ENPP3: variants seen among roughly 807,000 people sequenced by gnomAD.
ENPP3 encodes the protein ectonucleotide pyrophosphatase/phosphodiesterase 3.
A neutral mutation model predicts 117.8 loss-of-function variants in ENPP3; 104 were observed. That is an observed-to-expected ratio of 0.88 (90% CI 0.75 to 1.04). The LOEUF (loss-of-function observed/expected upper bound fraction) is 1.04, where lower values mean the gene tolerates loss of function less well. ENPP3 is among the 50% of genes least tolerant of loss of function. The pLI is 0.00. For missense variants in ENPP3, 1,026 were observed against 1,051.9 expected (o/e 0.98, Z 0.34); for synonymous variants, 380 against 349.9 (o/e 1.09, Z -0.96).
intron 10 of ENPP3, 147 bp from the exon 11 acceptor site, chr6:131,677,721 A>G: frequency 1.8e-6 from 1 of 568,590 alleles, no homozygotes; most frequent in Non-Finnish European, 3.2e-6. Flanking sequence ...GGAGCCAAGT[A>G]GAACTACTGG....
chr6:131,738,472 A>G (rs1266500756), intron 23 of ENPP3, among the ~76,000 whole-genome samples: 5 of 150,846 alleles, frequency 3.3e-5, no homozygotes, highest in Admixed American at 6.6e-5. Context: ...TTGATGTACT[A>G]TCAATGAGTA....
At chr6:131,673,576 CT>C (rs1212056520) in intron 7 of ENPP3, among the ~76,000 whole-genome samples, 2 of 151,948 alleles carry the variant, frequency 1.3e-5, no homozygotes, top group African/African-American at 4.8e-5. Flanking sequence ...TGAGTGCTGG[CT>C]TAATACCTGG....
chr6:131,722,176 T>G, intron 17 of ENPP3, 51 bp from the exon 18 acceptor site: 1 of 1,314,150 alleles, frequency 7.6e-7, no homozygotes, highest in Non-Finnish European at 1.1e-6. Flanking sequence ...CACAGAGGAG[T>G]TGTTGCTTTC....
At chr6:131,640,622 T>C (rs1778021567) in intron 1 of ENPP3, among the ~76,000 whole-genome samples, 1 of 152,230 alleles carries the variant, frequency 6.6e-6, no homozygotes, top group Non-Finnish European at 1.5e-5. Context: ...AAGTTATTTT[T>C]TGTGTCTGAA....
Position 131,722,406 on chromosome 6 carries a change from G to GT in ENPP3, c.1746+2dup, listed in dbSNP as rs1392727309. 1 of 1,612,024 alleles carries GT rather than the reference G, an allele frequency of 6.2e-7. No individual in the cohort carries two copies. The highest frequency in any genetic ancestry group is 1.3e-5 in the African/African-American group (1 of 74,758). The stretch of plus-strand genomic sequence containing the variant: ...CTGTTTCTGCCCTCACCTACAAAAT[G>GT]TAAGTAACAACTTCATGCATCCATA... On this transcript the variant is annotated splice_donor_variant, in intron 18 of 24. Coordinates refer to ENST00000357639, the MANE Select transcript of ENPP3 (RefSeq NM_005021.5). LOFTEE classifies it high-confidence loss of function.
Position 131,678,946 on chromosome 6 carries a change from T to C in ENPP3, c.1011+1006T>C, listed in dbSNP as rs1179132763. Among the ~76,000 whole-genome samples the C allele has an allele frequency of 4.4e-3, 430 of 98,030 alleles. 13 individuals are homozygous for C. Among genetic ancestry groups the C allele is most frequent in the African/African-American group, 0.024 (346 of 14,184 alleles). 64.3% of individuals were successfully genotyped at this position (98,030 alleles called of 152,430 possible). A position where few individuals can be genotyped will look rare whatever the true frequency, so the allele number is the denominator to read the frequency against. ...CTTTCTTTCTTTCTTTCTTTCTTTC[T>C]TTCTTTCTTTCTTTCCTTCCTTCCT... On this transcript the variant is annotated intron_variant, in intron 11 of 24. Coordinates refer to ENST00000357639, the MANE Select transcript of ENPP3 (RefSeq NM_005021.5).
rs936625186 is a variant in ENPP3, at chr6:131,712,054, A to T, written c.1413-6618A>T. Among the ~76,000 whole-genome samples, 13 of 130,814 alleles carry T rather than the reference A, an allele frequency of 9.9e-5. 1 individual carries two copies. The highest frequency in any genetic ancestry group is 8.4e-4 in the Admixed American group (11 of 13,042). 85.8% of individuals were successfully genotyped at this position (130,814 alleles called of 152,430 possible). ...AATTAGAATCTATGAAAATAAAGTG[A>T]GCATTTTAAAGCTTCCAGAAAGAAA... On this transcript the variant is annotated intron_variant, in intron 15 of 24. Transcript: ENST00000357639.
chr6:131,687,873 T>C (rs1215851729), intron 14 of ENPP3, among the ~76,000 whole-genome samples: 1 of 152,238 alleles, frequency 6.6e-6, no homozygotes, highest in East Asian at 1.9e-4. Flanking sequence ...GACTTCACTA[T>C]TGTTTGCAAT....
chr6:131,652,763 T>C, intron 4 of ENPP3, 68 bp from the exon 5 acceptor site: 1 of 1,591,340 alleles, frequency 6.3e-7, no homozygotes, highest in Non-Finnish European at 8.6e-7. Context: ...TCAAAACACA[T>C]CGGAGAATCT....
rs753582217 is a variant in ENPP3, at chr6:131,740,343, T to C, written c.2420T>C (p.Ile807Thr). The change falls in exon 24 of 25, where the codon ATC (isoleucine) becomes ACC (threonine). Residue 807 changes from isoleucine to threonine, a missense_variant. By Grantham distance (89) the Ile-to-Thr change is moderately conservative. Coordinates refer to ENST00000357639, the MANE Select transcript of ENPP3 (RefSeq NM_005021.5). ...CPGWLDVLPF[I>T]IPHRPTNVES... ...GGGTGGCTGGATGTCCTACCCTTTA[T>C]CATCCCTCACCGACCTACCAACGTG... 2 of 1,611,974 alleles carry C rather than the reference T, an allele frequency of 1.2e-6. No homozygotes were observed.
At chr6:131,678,877 C>A (rs1240090651) in intron 11 of ENPP3, among the ~76,000 whole-genome samples, 2 of 151,630 alleles carry the variant, frequency 1.3e-5, no homozygotes, top group African/African-American at 4.9e-5. Context: ...AATATATTCA[C>A]CATGCCTTCT....
chr6:131,726,203 A>G lies in ENPP3; in HGVS notation c.1953+3A>G. 2.5e-6 allele frequency: 4 copies of G among 1,613,016 alleles called. No individual in the cohort carries two copies. The highest frequency in any genetic ancestry group is 3.4e-6 in the Non-Finnish European group (4 of 1,179,250). On this transcript the variant is annotated splice_donor_region_variant and intron_variant, in intron 20 of 24. Transcript: ENST00000357639. The stretch of plus-strand genomic sequence containing the variant: ...GTTCATACACAGTCCCCCAGTTGGT[A>G]AGTTCCTGAGTCCATTGATCCATGC...
At chr6:131,691,306 C>A (rs910651788) in intron 14 of ENPP3, among the ~76,000 whole-genome samples, 1 of 151,926 alleles carries the variant, frequency 6.6e-6, no homozygotes, top group African/African-American at 2.4e-5. Context: ...ATGTCAAAAA[C>A]GGCCGGGCGC....
rs9375821 is a variant in ENPP3 at position 131,694,812 on chromosome 6, C to T, written c.1412+1188C>T. Among the ~76,000 whole-genome samples the T allele has an allele frequency of 2.2e-3, 315 of 140,806 alleles. 1 individual carries two copies. The South Asian group carries it at 0.027, about 12-fold the overall frequency. 92.4% of individuals were successfully genotyped at this position (140,806 alleles called of 152,430 possible). On this transcript the variant is annotated intron_variant, in intron 15 of 24. Coordinates refer to ENST00000357639, the MANE Select transcript of ENPP3 (RefSeq NM_005021.5). ...TCGCACCACTGCACTCCAGCCTAGG[C>T]GACAGATCAAATTAGTATTTGATTC...
rs111924253 is a variant in ENPP3 at position 131,721,403 on chromosome 6, C to T, written c.1568-824C>T. On this transcript the variant is annotated intron_variant, in intron 17 of 24. Transcript: ENST00000357639. ...CAACTTACATTCTTGTTCCACATGG[C>T]TAGGTTTATGGTCTGGACTGTTGGC... is the stretch of plus-strand genomic sequence containing the variant. Among the ~76,000 whole-genome samples the T allele has an allele frequency of 2.5e-3, 385 of 152,222 alleles. 4 individuals carry two copies. The highest frequency in any genetic ancestry group is 9.0e-3 in the African/African-American group (372 of 41,528).
chr6:131,648,323 A>G (rs1019615751), intron 2 of ENPP3, among the ~76,000 whole-genome samples: 7 of 152,060 alleles, frequency 4.6e-5, no homozygotes, highest in African/African-American at 1.7e-4. Flanking sequence ...TGAGTATTCT[A>G]AAATACTGTC....
At chr6:131,722,179 T>C (rs1780047556) in intron 17 of ENPP3, 48 bp from the exon 18 acceptor site, 1 of 1,387,624 alleles carries the variant, frequency 7.2e-7, no homozygotes, top group South Asian at 1.2e-5. Context: ...AGAGGAGTTG[T>C]TGCTTTCCAG....
At chr6:131,689,005 G>T (rs1053967058) in intron 14 of ENPP3, among the ~76,000 whole-genome samples, 1 of 151,968 alleles carries the variant, frequency 6.6e-6, no homozygotes, top group Non-Finnish European at 1.5e-5. Flanking sequence ...GGCGGAGGTT[G>T]CAGTGAGCTG....
chr6:131,668,563 C>T (rs544326995), intron 6 of ENPP3, among the ~76,000 whole-genome samples: 2 of 152,188 alleles, frequency 1.3e-5, no homozygotes, highest in East Asian at 3.9e-4. Flanking sequence ...ACCTACTCAC[C>T]TGTTTAGACC....
Sources: allele counts gnomAD v4.1 joint callset (sites outside exome capture counted in the v4.1 genomes callset), GRCh38; gene constraint gnomAD v4.1.1; transcripts MANE v1.5; gene names NCBI Gene and HGNC (gene_info 2026-07-23, HGNC 2026-07-21).